Variants in FBXO4 observed in about 807,000 individuals in gnomAD.
FBXO4 encodes the protein F-box only protein 4.
FBXO4 carries 36 observed loss-of-function variants against 43.7 expected under a neutral mutation model. The ratio of observed to expected loss-of-function variants is 0.82; its 90% CI spans 0.63 to 1.09. The LOEUF is 1.09. Ranked by LOEUF, FBXO4 falls within the 50% of genes least tolerant of loss-of-function variation. The pLI, the probability that FBXO4 is intolerant of heterozygous loss-of-function variation, is 0.00. For synonymous variants in FBXO4, 180 were observed against 165.6 expected, an observed-to-expected ratio of 1.09 and a Z score of -0.67; for missense variants, 435 against 474.1, an observed-to-expected ratio of 0.92 and a Z score of 0.77.
chr5:42,009,386 T>A, the FBXO4 span, among the ~76,000 whole-genome samples: 1 of 126,278 alleles, frequency 7.9e-6, no homozygotes, highest in Middle Eastern at 3.9e-3. Context: ...TGTGTGTGTG[T>A]GTGTGTGTGT....
chr5:41,967,962 G>T, the FBXO4 span: 1 of 493,126 alleles, frequency 2.0e-6, no homozygotes, highest in African/African-American at 2.0e-5. Context: ...CAGGAGTTTT[G>T]CTGACCAGAG....
chr5:41,962,300 T>C, the FBXO4 span, among the ~76,000 whole-genome samples: 2 of 152,238 alleles, frequency 1.3e-5, no homozygotes, highest in Non-Finnish European at 2.9e-5. Context: ...TTGTTTTGCT[T>C]TCAGTCTTTC....
chr5:41,962,894 G>A, the FBXO4 span, among the ~76,000 whole-genome samples: 1 of 152,132 alleles, frequency 6.6e-6, no homozygotes, highest in Non-Finnish European at 1.5e-5. Context: ...CCATTTATCT[G>A]ACAGCTTTCT....
the FBXO4 span, among the ~76,000 whole-genome samples, chr5:41,975,331 C>T: frequency 6.6e-6 from 1 of 152,152 alleles, no homozygotes; most frequent in South Asian, 2.1e-4. Context: ...GAGCTCAGCT[C>T]TCTGATTTAA....
intron 5 of FBXO4, among the ~76,000 whole-genome samples, chr5:41,937,583 T>G (rs1751880746): frequency 6.6e-6 from 1 of 152,200 alleles, no homozygotes; most frequent in South Asian, 2.1e-4. Flanking sequence ...TTTTTCCCTC[T>G]GGCTTCACCT....
downstream of FBXO4, among the ~76,000 whole-genome samples, chr5:41,946,217 C>T (rs1752075863): frequency 6.6e-6 from 1 of 152,172 alleles, no homozygotes; most frequent in Non-Finnish European, 1.5e-5. Context: ...TGCCGATCTG[C>T]CTGGGAACAA....
the FBXO4 span, among the ~76,000 whole-genome samples, chr5:41,976,396 T>C: frequency 1.3e-5 from 2 of 152,166 alleles, no homozygotes; most frequent in African/African-American, 4.8e-5. Flanking sequence ...GATGAACCTA[T>C]AAAATCAAAT....
the FBXO4 span, among the ~76,000 whole-genome samples, chr5:41,957,083 G>T: frequency 6.6e-6 from 1 of 152,006 alleles, no homozygotes; most frequent in African/African-American, 2.4e-5. Context: ...GGAGTGAGGT[G>T]TGGTTTTCTT....
chr5:41,933,865 C>A, intron 3 of FBXO4, 81 bp from the exon 4 acceptor site: 1 of 1,162,434 alleles, frequency 8.6e-7, no homozygotes, highest in Non-Finnish European at 1.2e-6. Context: ...ACTCTTTTTG[C>A]TTTCACCGGG....
chr5:42,008,040 G>A, the FBXO4 span, among the ~76,000 whole-genome samples: 1 of 152,100 alleles, frequency 6.6e-6, no homozygotes, highest in Non-Finnish European at 1.5e-5. Flanking sequence ...ATCACATGAA[G>A]ATGACTCTCA....
chr5:42,012,408 A>C, the FBXO4 span, among the ~76,000 whole-genome samples: 448 of 152,254 alleles, frequency 2.9e-3, 3 homozygotes, highest in African/African-American at 0.01. Flanking sequence ...TTGGGTGCCC[A>C]GGCCTTCTGA....
the FBXO4 span, among the ~76,000 whole-genome samples, chr5:41,993,314 A>T: frequency 6.6e-6 from 1 of 152,072 alleles, no homozygotes; most frequent in African/African-American, 2.4e-5. Flanking sequence ...AGATTTATTG[A>T]TATATATTTG....
At chr5:41,930,671 T>TTTCC (rs1415452888) in intron 3 of FBXO4, among the ~76,000 whole-genome samples, 2 of 140,692 alleles carry the variant, frequency 1.4e-5, no homozygotes, top group African/African-American at 2.6e-5. Context: ...TCTTTCTTTC[T>TTTCC]TTTTTTTTTT....
chr5:41,929,560 A>G (rs899778253), intron 2 of FBXO4, 137 bp from the exon 3 acceptor site: 11 of 652,128 alleles, frequency 1.7e-5, no homozygotes, highest in Non-Finnish European at 2.3e-5. Flanking sequence ...GTGTCTGTCT[A>G]TTGTTCTCCT....
At chr5:41,940,285 A>G (rs775756504) in intron 6 of FBXO4, among the ~76,000 whole-genome samples, 1 of 151,798 alleles carries the variant, frequency 6.6e-6, no homozygotes. Flanking sequence ...TTTTTTTGTG[A>G]CAGGGTCTCG....
the FBXO4 span, among the ~76,000 whole-genome samples, chr5:42,007,173 C>G: frequency 0.1 from 14,860 of 149,068 alleles, 1,134 homozygotes; most frequent in African/African-American, 0.21. Context: ...AAGGTGGGCC[C>G]TAATCTGATG....
the FBXO4 span, among the ~76,000 whole-genome samples, chr5:41,975,951 T>C: frequency 6.6e-6 from 1 of 152,106 alleles, no homozygotes; most frequent in Non-Finnish European, 1.5e-5. Context: ...AAGCTTACAA[T>C]CGTGGTGGAA....
chr5:41,988,121 G>C, the FBXO4 span, among the ~76,000 whole-genome samples: 148 of 152,250 alleles, frequency 9.7e-4, no homozygotes, highest in East Asian at 1.7e-3. Flanking sequence ...TAACATGTGG[G>C]GGGGAGAGAA....
the FBXO4 span, chr5:41,964,045 T>A: frequency 6.6e-6 from 1 of 152,182 alleles, no homozygotes; most frequent in South Asian, 2.1e-4. Flanking sequence ...TGATTTTGAG[T>A]GATGGCAGCA....
Sources: allele counts gnomAD v4.1 joint callset (sites outside exome capture counted in the v4.1 genomes callset), GRCh38; gene constraint gnomAD v4.1.1; transcripts MANE v1.5; gene names NCBI Gene and HGNC (gene_info 2026-07-23, HGNC 2026-07-21).